DLGAP1: variants seen among roughly 807,000 people sequenced by gnomAD.
DLGAP1 encodes the protein disks large-associated protein 1.
A neutral mutation model predicts 90.8 loss-of-function variants in DLGAP1; 11 were observed. That is an observed-to-expected ratio of 0.12 (90% CI 0.08 to 0.20). The LOEUF is 0.20. Among genes scored for constraint, DLGAP1 ranks in the 10% least tolerant of loss-of-function variants. The pLI is 1.00. For missense variants in DLGAP1, 1,050 were observed against 1,333.8 expected, an observed-to-expected ratio of 0.79 and a Z score of 3.31; for synonymous variants, 558 against 540.7, an observed-to-expected ratio of 1.03 and a Z score of -0.44.
chr18:4,184,156 G>T (rs2077252143), intron 1 of DLGAP1, among the ~76,000 whole-genome samples: 1 of 152,126 alleles, frequency 6.6e-6, no homozygotes, highest in Non-Finnish European at 1.5e-5. Flanking sequence ...ATAATTAAAT[G>T]AATTCAAAGG....
chr18:3,652,001 A>T (rs1406322350), intron 7 of DLGAP1, among the ~76,000 whole-genome samples: 3 of 151,328 alleles, frequency 2.0e-5, no homozygotes, highest in Non-Finnish European at 2.9e-5. Context: ...ACAACAAAAA[A>T]CAAAAAGCAA....
intron 1 of DLGAP1, among the ~76,000 whole-genome samples, chr18:4,166,405 G>A (rs2076934064): frequency 6.6e-6 from 1 of 152,110 alleles, no homozygotes; most frequent in Non-Finnish European, 1.5e-5. Context: ...GAAGAAATTG[G>A]AACCTTTGTG....
intron 7 of DLGAP1, among the ~76,000 whole-genome samples, chr18:3,627,875 C>CT (rs34874244): frequency 0.039 from 3,496 of 90,084 alleles, 243 homozygotes; most frequent in East Asian, 0.17. Flanking sequence ...TCCTTCCTTC[C>CT]TTTTTTTTTT....
intron 4 of DLGAP1, among the ~76,000 whole-genome samples, chr18:3,843,116 A>ATG (rs1337298505): frequency 6.6e-6 from 1 of 152,034 alleles, no homozygotes; most frequent in South Asian, 2.1e-4. Context: ...GTGGCCTTTG[A>ATG]TGTGTGTGTG....
intron 7 of DLGAP1, among the ~76,000 whole-genome samples, chr18:3,664,204 A>C (rs1022757499): frequency 7.2e-6 from 1 of 139,764 alleles, no homozygotes; most frequent in Non-Finnish European, 1.5e-5. Flanking sequence ...ACACACACAC[A>C]CACACACACA....
intron 4 of DLGAP1, among the ~76,000 whole-genome samples, chr18:3,823,750 G>C (rs1294470564): frequency 6.6e-6 from 1 of 151,920 alleles, no homozygotes; most frequent in African/African-American, 2.4e-5. Context: ...AGGAGTTTGA[G>C]ACCAGCCTGG....
rs2054368556 is a variant in DLGAP1 at position 3,565,418 on chromosome 18, G to A, written c.2057+2072C>T. On this transcript the variant is annotated intron_variant, in intron 9 of 12. Coordinates refer to ENST00000315677, the MANE Select transcript of DLGAP1 (RefSeq NM_004746.4). The surrounding 1 kb of genome is among the most constrained non-coding windows in gnomAD (Gnocchi z 4.0). ...ACCTGCCTCGGCCTCCCAGACTGCT[G>A]GGATTACAGGCGTGAGCCATTGCCC... Among the ~76,000 whole-genome samples the A allele has an allele frequency of 2.0e-5, 3 of 151,904 alleles. No individual in the cohort carries two copies. The highest frequency in any genetic ancestry group is 4.2e-4 in the South Asian group (2 of 4,772).
intron 2 of DLGAP1, among the ~76,000 whole-genome samples, chr18:4,132,876 T>C (rs942396526): frequency 1.3e-5 from 2 of 152,194 alleles, no homozygotes; most frequent in African/African-American, 4.8e-5. Context: ...AAATAAAACA[T>C]ACTAACAGGT....
chr18:3,605,422 G>A (rs759632791), intron 7 of DLGAP1, among the ~76,000 whole-genome samples: 1 of 152,176 alleles, frequency 6.6e-6, no homozygotes, highest in Non-Finnish European at 1.5e-5. Flanking sequence ...CAAGTGGGCA[G>A]TCAGTAAATA....
chr18:4,387,942 C>T (rs1289101385), intron 1 of DLGAP1, among the ~76,000 whole-genome samples: 3 of 130,508 alleles, frequency 2.3e-5, no homozygotes, highest in Admixed American at 7.0e-5. Flanking sequence ...CACACACACA[C>T]ACACACACAC....
intron 7 of DLGAP1, among the ~76,000 whole-genome samples, chr18:3,624,361 T>A (rs1567854395): frequency 6.6e-6 from 1 of 152,246 alleles, no homozygotes; most frequent in South Asian, 2.1e-4. Flanking sequence ...CCTGGGCCGC[T>A]GTCCCCTGAC....
At chr18:3,918,823 G>A (rs9966933) in intron 3 of DLGAP1, among the ~76,000 whole-genome samples, 19,047 of 152,092 alleles carry the variant, frequency 0.13, 2,288 homozygotes, top group African/African-American at 0.32. Context: ...CTGGAAAGAA[G>A]GGGGCAGATG....
At chr18:4,085,011 CAA>C (rs1200095890) in intron 2 of DLGAP1, among the ~76,000 whole-genome samples, 1 of 152,098 alleles carries the variant, frequency 6.6e-6, no homozygotes, top group Non-Finnish European at 1.5e-5. Context: ...CTGCAGACTG[CAA>C]GTCTATGAAC....
At chr18:3,989,259 G>A (rs2073911758) in intron 3 of DLGAP1, among the ~76,000 whole-genome samples, 1 of 152,236 alleles carries the variant, frequency 6.6e-6, no homozygotes, top group Non-Finnish European at 1.5e-5. Context: ...AAGTAAAGCT[G>A]CATGGGATGA....
chr18:4,036,965 CA>C (rs2074898351), intron 2 of DLGAP1, among the ~76,000 whole-genome samples: 1 of 152,210 alleles, frequency 6.6e-6, no homozygotes, highest in East Asian at 1.9e-4. Flanking sequence ...TTTTGCCTGA[CA>C]AAATTCCTTT....
chr18:3,884,987 G>A (rs986602643), intron 3 of DLGAP1, among the ~76,000 whole-genome samples: 13 of 152,140 alleles, frequency 8.5e-5, no homozygotes, highest in East Asian at 3.9e-4. Flanking sequence ...CTCTTCTATC[G>A]TCTTGTCATT....
At chr18:3,709,932 C>T (rs1270826262) in intron 7 of DLGAP1, among the ~76,000 whole-genome samples, 1 of 152,166 alleles carries the variant, frequency 6.6e-6, no homozygotes, top group Non-Finnish European at 1.5e-5. Flanking sequence ...AGGACAGGCC[C>T]AAACCTGGTT....
At chr18:3,852,506 A>C (rs1213420107) in intron 4 of DLGAP1, among the ~76,000 whole-genome samples, 4 of 152,170 alleles carry the variant, frequency 2.6e-5, no homozygotes, top group Non-Finnish European at 5.9e-5. Flanking sequence ...CTGTTTCCTC[A>C]TGTTTTCTAG....
At chr18:4,229,491 G>T (rs1341884576) in intron 1 of DLGAP1, among the ~76,000 whole-genome samples, 1 of 151,942 alleles carries the variant, frequency 6.6e-6, no homozygotes, top group Non-Finnish European at 1.5e-5. Flanking sequence ...ATAGACCAAT[G>T]GAACAAAATA....
Sources: allele counts gnomAD v4.1 joint callset (sites outside exome capture counted in the v4.1 genomes callset), GRCh38; gene constraint gnomAD v4.1.1; non-coding constraint Gnocchi (gnomAD v3.1); transcripts MANE v1.5; gene names NCBI Gene and HGNC (gene_info 2026-07-23, HGNC 2026-07-21).